CCSER1: variants seen among roughly 807,000 people sequenced by gnomAD.
CCSER1 encodes the protein coiled-coil serine rich protein 1.
CCSER1 carries 41 observed loss-of-function variants against 82.0 expected under a neutral mutation model. The ratio of observed to expected loss-of-function variants is 0.50; its 90% CI spans 0.39 to 0.65. The LOEUF is 0.65. Ranked by LOEUF, CCSER1 falls within the 30% of genes least tolerant of loss-of-function variation. The pLI is 0.00. For synonymous variants in CCSER1, 414 were observed against 383.9 expected (o/e 1.08, Z -0.92); for missense variants, 1,119 against 1,064.2 (o/e 1.05, Z -0.72).
At chr4:90,931,532 A>C (rs1187000488) in intron 9 of CCSER1, among the ~76,000 whole-genome samples, 1 of 152,192 alleles carries the variant, frequency 6.6e-6, no homozygotes, top group Non-Finnish European at 1.5e-5. Flanking sequence ...CCTTCTAATG[A>C]AATAGTGATA....
chr4:91,096,713 A>G (rs1724551092), intron 10 of CCSER1, among the ~76,000 whole-genome samples: 1 of 152,166 alleles, frequency 6.6e-6, no homozygotes, highest in South Asian at 2.1e-4. Context: ...ATTATTTAAC[A>G]TAGTTCCCAA....
intron 3 of CCSER1, among the ~76,000 whole-genome samples, chr4:90,354,478 G>C (rs1297133887): frequency 6.6e-6 from 1 of 152,096 alleles, no homozygotes; most frequent in African/African-American, 2.4e-5. Flanking sequence ...TATGTCTTAA[G>C]TGTTCTCAAC....
chr4:90,284,494 ATTTT>A (rs34170994), intron 1 of CCSER1, among the ~76,000 whole-genome samples: 6 of 137,278 alleles, frequency 4.4e-5, no homozygotes, highest in Non-Finnish European at 3.1e-5. Context: ...CTTTGAATTG[ATTTT>A]TTTTTTTTTT....
intron 8 of CCSER1, among the ~76,000 whole-genome samples, chr4:90,901,849 T>C (rs1284914574): frequency 6.6e-6 from 1 of 152,008 alleles, no homozygotes; most frequent in Non-Finnish European, 1.5e-5. Flanking sequence ...TCTAGAAAGG[T>C]TAGGGAAATT....
At chr4:91,266,502 C>T (rs1267969430) in intron 10 of CCSER1, among the ~76,000 whole-genome samples, 5 of 152,024 alleles carry the variant, frequency 3.3e-5, no homozygotes, top group Admixed American at 1.3e-4. Context: ...CTGCCCACCT[C>T]GGCCTCCCAA....
intron 10 of CCSER1, among the ~76,000 whole-genome samples, chr4:91,381,008 C>A (rs1488830226): frequency 6.6e-6 from 1 of 152,130 alleles, no homozygotes; most frequent in Non-Finnish European, 1.5e-5. Flanking sequence ...ACTGATGAAG[C>A]TTATTTTGGC....
At chr4:90,864,137 T>G (rs1765445923) in intron 8 of CCSER1, among the ~76,000 whole-genome samples, 1 of 151,884 alleles carries the variant, frequency 6.6e-6, no homozygotes, top group African/African-American at 2.4e-5. Context: ...ATATTTTCCA[T>G]GAACTGCTGT....
At chr4:90,429,545 A>G (rs1475040121) in intron 4 of CCSER1, among the ~76,000 whole-genome samples, 2 of 151,882 alleles carry the variant, frequency 1.3e-5, no homozygotes, top group East Asian at 1.9e-4. Flanking sequence ...ATAGAACAAT[A>G]TAGGAAAAGA....
chr4:90,448,481 A>ATATATATG (rs1760999460), intron 4 of CCSER1, among the ~76,000 whole-genome samples: 1 of 131,702 alleles, frequency 7.6e-6, no homozygotes, highest in Non-Finnish European at 1.6e-5. Context: ...ATATATATAT[A>ATATATATG]TATAGCACTT....
At chr4:91,115,978 T>C (rs1726554514) in intron 10 of CCSER1, among the ~76,000 whole-genome samples, 1 of 151,568 alleles carries the variant, frequency 6.6e-6, no homozygotes, top group South Asian at 2.1e-4. Context: ...TTACATTAGG[T>C]ATATCTCCTA....
At chr4:90,919,842 T>C (rs1416450035) in intron 8 of CCSER1, among the ~76,000 whole-genome samples, 2 of 152,026 alleles carry the variant, frequency 1.3e-5, no homozygotes, top group African/African-American at 4.8e-5. Flanking sequence ...CATCTCATTT[T>C]AGTTTTACTT....
At chr4:90,742,765 A>G (rs758878030) in intron 7 of CCSER1, among the ~76,000 whole-genome samples, 38 of 152,224 alleles carry the variant, frequency 2.5e-4, no homozygotes, top group African/African-American at 7.2e-4. Context: ...TGGTGACTCT[A>G]TAGTGCTAAA....
chr4:90,992,565 T>C (rs1737132942), intron 9 of CCSER1, among the ~76,000 whole-genome samples: 1 of 151,966 alleles, frequency 6.6e-6, no homozygotes, highest in Admixed American at 6.6e-5. Context: ...ATCAAGGTAA[T>C]CTTCAAAACT....
At chr4:91,318,089 G>C (rs1560586195) in intron 10 of CCSER1, among the ~76,000 whole-genome samples, 1 of 151,800 alleles carries the variant, frequency 6.6e-6, no homozygotes, top group African/African-American at 2.4e-5. Context: ...CACTCTTGCT[G>C]GTCATTGTAC....
At chr4:91,501,868 A>G (rs1210735327) in intron 10 of CCSER1, among the ~76,000 whole-genome samples, 2 of 152,192 alleles carry the variant, frequency 1.3e-5, no homozygotes, top group Non-Finnish European at 2.9e-5. Flanking sequence ...AAGTAAACCC[A>G]TTACTTACAT....
At chr4:91,028,933 G>A (rs1740729770) in intron 9 of CCSER1, among the ~76,000 whole-genome samples, 1 of 151,932 alleles carries the variant, frequency 6.6e-6, no homozygotes, top group Non-Finnish European at 1.5e-5. Context: ...CAAATAAAAA[G>A]TAAAGATACA....
chr4:90,245,447 T>G (rs966476910), intron 1 of CCSER1, among the ~76,000 whole-genome samples: 18 of 152,126 alleles, frequency 1.2e-4, no homozygotes, highest in African/African-American at 3.9e-4. Context: ...GCTTCCTTCT[T>G]ATAAGTCACA....
chr4:91,579,037 T>G (rs557440105), intron 10 of CCSER1, among the ~76,000 whole-genome samples: 1 of 151,918 alleles, frequency 6.6e-6, no homozygotes, highest in Non-Finnish European at 1.5e-5. Flanking sequence ...CCCGGTTAGC[T>G]GCCTTAATAC....
intron 4 of CCSER1, among the ~76,000 whole-genome samples, chr4:90,422,789 T>C (rs1756897736): frequency 6.6e-6 from 1 of 152,206 alleles, no homozygotes; most frequent in South Asian, 2.1e-4. Context: ...GTGTCTCAAA[T>C]GGATATTCGG....
Sources: gnomAD v4.1 joint callset for allele counts (sites outside exome capture counted in the v4.1 genomes callset) on GRCh38, gnomAD v4.1.1 for gene constraint, MANE v1.5 for transcripts, NCBI Gene and HGNC (gene_info 2026-07-23, HGNC 2026-07-21) for gene names.